CCDC25: variants seen among roughly 807,000 people sequenced by gnomAD.
The protein encoded by CCDC25 is coiled-coil domain containing 25, also known as coiled-coil domain-containing protein 25.
Under a neutral mutation model 35.3 loss-of-function variants are expected in CCDC25, and 16 were observed. The observed-to-expected ratio is 0.45, with a 90% CI of 0.31 to 0.69. The LOEUF (loss-of-function observed/expected upper bound fraction) is 0.69, where lower values mean the gene tolerates loss of function less well. CCDC25 is among the 30% of genes least tolerant of loss of function. The pLI, the probability that CCDC25 is intolerant of heterozygous loss-of-function variation, is 0.06. For missense variants in CCDC25, 179 were observed against 250.7 expected (o/e 0.71, Z 1.93); for synonymous variants, 79 against 80.3 (o/e 0.98, Z 0.09).
At chr8:27,753,183 A>C (rs531964343) in intron 4 of CCDC25, among the ~76,000 whole-genome samples, 1 of 152,282 alleles carries the variant, frequency 6.6e-6, no homozygotes, top group Admixed American at 6.5e-5. Context: ...AAGTGAGGTG[A>C]TGCCCCTTTT....
In CCDC25 at chr8:27,748,450, T is replaced by A. The variant is rs1398558642; in HGVS notation, c.348+45A>T. 16 of 1,446,736 alleles carry A rather than the reference T, an allele frequency of 1.1e-5. No homozygotes were observed. The South Asian group carries it at 1.7e-4, about 16-fold the overall frequency. 89.6% of individuals were successfully genotyped at this position (1,446,736 alleles called of 1,614,324 possible). On this transcript the variant is annotated intron_variant, in intron 6 of 8. Transcript: ENST00000356537. ...CAGACAGAAAAGATAGGATACTCCATTCAGTATCAGGGCTCCGCCTCCTTC... is the reference window on the plus strand; with the variant it reads ...CAGACAGAAAAGATAGGATACTCCAATCAGTATCAGGGCTCCGCCTCCTTC...
chr8:27,763,794 A>G (rs1263535790), intron 2 of CCDC25, among the ~76,000 whole-genome samples: 4 of 152,204 alleles, frequency 2.6e-5, no homozygotes, highest in Non-Finnish European at 5.9e-5. Flanking sequence ...AGTATGGTCT[A>G]TATAATTTGA....
chr8:27,755,682 C>T (rs149860396), intron 4 of CCDC25, among the ~76,000 whole-genome samples: 3 of 152,316 alleles, frequency 2.0e-5, no homozygotes, highest in African/African-American at 4.8e-5. Flanking sequence ...TGATAAGTCA[C>T]GGTAATACAC....
chr8:27,754,855 C>T (rs1424481040), intron 4 of CCDC25, among the ~76,000 whole-genome samples: 1 of 152,136 alleles, frequency 6.6e-6, no homozygotes, highest in Non-Finnish European at 1.5e-5. Context: ...TCCCCATGAG[C>T]TCATGTTTAG....
rs1390466632 is a variant in CCDC25, at chr8:27,764,273, T to C, written c.76+931A>G. ...AGGGAAAAAGTGTTCCATACATACA[T>C]ACATTCACTTACTTCAGACAACAGA... On this transcript the variant is annotated intron_variant, in intron 2 of 8. Coordinates refer to ENST00000356537, the MANE Select transcript of CCDC25 (RefSeq NM_018246.3). 5 of 179,178 alleles carry C rather than the reference T, an allele frequency of 2.8e-5. 1 individual carries two copies. Among genetic ancestry groups the C allele is most frequent in the South Asian group, 2.5e-4 (3 of 12,020 alleles). 11.1% of individuals were successfully genotyped at this position (179,178 alleles called of 1,614,324 possible).
intron 7 of CCDC25, chr8:27,747,775 T>A (rs1275951211): frequency 3.0e-6 from 1 of 336,724 alleles, no homozygotes; most frequent in Non-Finnish European, 5.4e-6. Context: ...ACCTTTTCCT[T>A]TCCAGAAGAA....
intron 7 of CCDC25, among the ~76,000 whole-genome samples, chr8:27,742,536 C>A (rs892217598): frequency 2.0e-5 from 3 of 152,166 alleles, no homozygotes; most frequent in African/African-American, 7.2e-5. Flanking sequence ...ATCACTGGGT[C>A]AAAATTCCCA....
intron 5 of CCDC25, among the ~76,000 whole-genome samples, chr8:27,751,693 G>A (rs991033232): frequency 1.3e-5 from 2 of 152,064 alleles, no homozygotes; most frequent in African/African-American, 2.4e-5. Flanking sequence ...CCCTAAAATC[G>A]GATCTACTGG....
intron 4 of CCDC25, 163 bp downstream of exon 4, chr8:27,756,556 T>TAA (rs146004247): frequency 6.7e-6 from 4 of 596,750 alleles, no homozygotes; most frequent in Non-Finnish European, 1.2e-5. Context: ...TCTAGAATGT[T>TAA]AGAGTGATTT....
rs900838517 is a variant in CCDC25 at position 27,737,233 on chromosome 8, T to G, written c.598-988A>C. ...ATTGTACAAAGAACAGACTAATGAT[T>G]GTGTTATATCCAGGCGCAAAGACTA... On this transcript the variant is annotated intron_variant, in intron 8 of 8. Transcript: ENST00000356537. This position sits in a 1 kb window ranked among gnomAD's most constrained non-coding sequence, Gnocchi z 4.6. Among the ~76,000 whole-genome samples the G allele has an allele frequency of 5.9e-5, 9 of 152,160 alleles. No homozygotes were observed. Among genetic ancestry groups the G allele is most frequent in the Non-Finnish European group, 1.2e-4 (8 of 68,022 alleles).
chr8:27,749,948 T>C (rs955054306), intron 5 of CCDC25, among the ~76,000 whole-genome samples: 1 of 152,228 alleles, frequency 6.6e-6, no homozygotes, highest in African/African-American at 2.4e-5. Context: ...TCTAAGTGAA[T>C]GGTATATGGT....
Position 27,772,578 on chromosome 8 carries a change from G to C in CCDC25, c.-38C>G. 1.3e-6 allele frequency: 2 copies of C among 1,544,052 alleles called. No individual in the cohort carries two copies. Among genetic ancestry groups the C allele is most frequent in the Non-Finnish European group, 1.8e-6 (2 of 1,142,700 alleles). The stretch of plus-strand genomic sequence containing the variant: ...GGTGCGGTGACTCCACCGCGGAGCA[G>C]CAGCGCTCAACTCACGAAGCTCAGG... On this transcript the variant is annotated 5_prime_UTR_variant, in exon 1 of 9. Coordinates refer to ENST00000356537, the MANE Select transcript of CCDC25 (RefSeq NM_018246.3).
intron 3 of CCDC25, among the ~76,000 whole-genome samples, chr8:27,762,146 G>C (rs570665062): frequency 4.3e-4 from 66 of 152,280 alleles, no homozygotes; most frequent in African/African-American, 1.6e-3. Flanking sequence ...TTTAAGTGAG[G>C]TGTGGTCTCA....
At chr8:27,748,342 T>C in intron 6 of CCDC25, 63 bp from the exon 7 acceptor site, 1 of 1,495,284 alleles carries the variant, frequency 6.7e-7, no homozygotes, top group Non-Finnish European at 9.3e-7. Context: ...AGAAGAGGGA[T>C]GAGGCTTTCC....
chr8:27,738,031 T>C (rs774862084), intron 8 of CCDC25, among the ~76,000 whole-genome samples: 11 of 152,152 alleles, frequency 7.2e-5, no homozygotes, highest in Non-Finnish European at 1.5e-4. Flanking sequence ...CCAAACATTG[T>C]ATGTTATCAC....
In CCDC25 at chr8:27,737,884, T is replaced by TCACACA. The variant is rs141212043; in HGVS notation, c.598-1645_598-1640dup. 0.074 allele frequency among the ~76,000 whole-genome samples: 10,957 copies of TCACACA among 148,434 alleles called. 553 individuals are homozygous for TCACACA. Among genetic ancestry groups the TCACACA allele is most frequent in the Non-Finnish European group, 0.1 (6,806 of 66,748 alleles). On this transcript the variant is annotated intron_variant, in intron 8 of 8. Coordinates refer to ENST00000356537, the MANE Select transcript of CCDC25 (RefSeq NM_018246.3). This position sits in a 1 kb window ranked among gnomAD's most constrained non-coding sequence, Gnocchi z 4.6. ...AACTGTGGTGTGTGTATACACACAC[T>TCACACA]CACACACACACACACACACACACAC... is the stretch of plus-strand genomic sequence containing the variant.
At chr8:27,765,149 A>G (rs1247900072) in intron 2 of CCDC25, 55 bp downstream of exon 2, 6 of 1,447,240 alleles carry the variant, frequency 4.1e-6, no homozygotes, top group Middle Eastern at 1.9e-4. Context: ...GTGGTGAGTG[A>G]GAGATAACAC....
intron 4 of CCDC25, among the ~76,000 whole-genome samples, chr8:27,755,667 A>G (rs1803976686): frequency 6.6e-6 from 1 of 152,244 alleles, no homozygotes; most frequent in South Asian, 2.1e-4. Context: ...GGCTCACGTC[A>G]TCAATGATAA....
At chr8:27,759,372 C>T (rs1370193189) in intron 3 of CCDC25, among the ~76,000 whole-genome samples, 1 of 152,010 alleles carries the variant, frequency 6.6e-6, no homozygotes, top group Admixed American at 6.5e-5. Flanking sequence ...TTTGGGAGGC[C>T]GAGGTGGGTG....
Sources: allele counts gnomAD v4.1 joint callset (sites outside exome capture counted in the v4.1 genomes callset), GRCh38; gene constraint gnomAD v4.1.1; non-coding constraint Gnocchi (gnomAD v3.1); transcripts MANE v1.5; gene names NCBI Gene and HGNC (gene_info 2026-07-23, HGNC 2026-07-21).